SFXN2: variants seen among roughly 807,000 people sequenced by gnomAD.
The protein encoded by SFXN2 is sideroflexin-2.
SFXN2 carries 37 observed loss-of-function variants against 41.9 expected under a neutral mutation model. The observed-to-expected ratio is 0.88, with a 90% CI of 0.68 to 1.16. The LOEUF is 1.16. SFXN2 is among the 50% of genes most tolerant of loss of function. The pLI is 0.00. For synonymous variants in SFXN2, 150 were observed against 156.7 expected (o/e 0.96, Z 0.32); for missense variants, 386 against 425.2 (o/e 0.91, Z 0.81).
intron 1 of SFXN2, among the ~76,000 whole-genome samples, chr10:102,724,751 C>T (rs1036189618): frequency 2.6e-5 from 4 of 151,866 alleles, no homozygotes; most frequent in African/African-American, 7.2e-5. Context: ...CTGTTCTTGT[C>T]TGTTGTCCAC....
chr10:102,726,929 G>A, intron 2 of SFXN2, 58 bp from the exon 3 acceptor site: 1 of 1,579,728 alleles, frequency 6.3e-7, no homozygotes, highest in Non-Finnish European at 8.6e-7. Context: ...TGAGAGTGGG[G>A]AGACTGGGAG....
intron 4 of SFXN2, 27 bp from the exon 5 acceptor site, chr10:102,729,292 C>A: frequency 6.2e-7 from 1 of 1,612,078 alleles, no homozygotes; most frequent in Non-Finnish European, 8.5e-7. Flanking sequence ...AGGGGCCCCA[C>A]TCCCAAGCAT....
At chr10:102,733,982 G>C (rs148331040) in intron 10 of SFXN2, among the ~76,000 whole-genome samples, 1,631 of 152,166 alleles carry the variant, frequency 0.011, 12 homozygotes, top group Middle Eastern at 0.051. Flanking sequence ...CCACCTCCCA[G>C]GTTCAAGCAA....
chr10:102,724,848 T>C (rs928805109), intron 1 of SFXN2: 1 of 152,118 alleles, frequency 6.6e-6, no homozygotes, highest in Non-Finnish European at 1.5e-5. Context: ...AAATTCCTGG[T>C]CTGATAATTC....
intron 1 of SFXN2, chr10:102,717,847 G>A (rs1274869500): frequency 2.1e-6 from 2 of 943,596 alleles, no homozygotes; most frequent in East Asian, 1.2e-4. Context: ...ACATGATCCC[G>A]ATGCTTGTGA....
At chr10:102,729,963 G>C (rs1420121658) in intron 6 of SFXN2, among the ~76,000 whole-genome samples, 155 bp downstream of exon 6, 3 of 152,224 alleles carry the variant, frequency 2.0e-5, no homozygotes, top group Non-Finnish European at 2.9e-5. Context: ...CAGCTCCCAT[G>C]GTGATGGCCC....
rs1319868212 is a variant in SFXN2, at chr10:102,733,567, T to C, written c.785T>C (p.Leu262Pro). The C allele has an allele frequency of 6.2e-7, 1 of 1,613,940 alleles. No individual in the cohort carries two copies. Among genetic ancestry groups the C allele is most frequent in the Non-Finnish European group, 8.5e-7 (1 of 1,179,894 alleles). The change falls in exon 10 of 12, where the codon CTG becomes CCG. Residue 262 changes from leucine (L) to proline (P), a missense_variant. Leu to Pro is a moderately conservative substitution (Grantham distance 98, BLOSUM62 -3). Coordinates refer to ENST00000369893, the MANE Select transcript of SFXN2 (RefSeq NM_178858.6). ...GTTTTTATACAGAAAGTCAAGGTCCTGCACGCCCCATTGCAGGTCATGCTG... is the reference window on the plus strand; with the variant it reads ...GTTTTTATACAGAAAGTCAAGGTCCCGCACGCCCCATTGCAGGTCATGCTG... The part of the protein sequence containing the change: ...KLHFMQKVKV[L>P]HAPLQVMLSG...
rs750160350 is a variant in SFXN2 at position 102,726,651 on chromosome 10, G to A, written c.15G>A (p.Leu5=). The change falls in exon 2 of 12, where the codon CTG becomes CTA. Residue 5 remains leucine (L), a synonymous_variant. Coordinates refer to ENST00000369893, the MANE Select transcript of SFXN2 (RefSeq NM_178858.6). MEAD[L]SGFNIDAPRW... ...GTGTGAGCAAGATGGAGGCTGACCT[G>A]TCTGGCTTTAACATCGATGCCCCCC... 6.2e-7 allele frequency: 1 copy of A among 1,614,194 alleles called. No homozygotes were observed. The highest frequency in any genetic ancestry group is 8.5e-7 in the Non-Finnish European group (1 of 1,180,038).
chr10:102,723,096 T>G (rs906431629), intron 1 of SFXN2, among the ~76,000 whole-genome samples: 5 of 151,650 alleles, frequency 3.3e-5, no homozygotes, highest in Non-Finnish European at 5.9e-5. Context: ...CACACCTGGC[T>G]AATTTTTCTA....
Position 102,733,610 on chromosome 10 carries a change from A to G in SFXN2, c.821+7A>G. 2 of 1,613,496 alleles carry G rather than the reference A, an allele frequency of 1.2e-6. No homozygotes were observed. The highest frequency in any genetic ancestry group is 1.7e-6 in the Non-Finnish European group (2 of 1,179,416). On this transcript the variant is annotated splice_region_variant and intron_variant, in intron 10 of 11. Transcript: ENST00000369893. ...TCATGCTGAGCGGGTGCTTGTAAGT[A>G]TCATATTTTGATGATTTGGGTTCTG... is the stretch of plus-strand genomic sequence containing the variant.
intron 1 of SFXN2, among the ~76,000 whole-genome samples, chr10:102,721,548 G>A (rs1040888552): frequency 1.4e-5 from 2 of 145,728 alleles, no homozygotes; most frequent in African/African-American, 2.5e-5. Flanking sequence ...ATAAATAAAT[G>A]TATATATAAA....
chr10:102,734,557 G>T lies in SFXN2; in HGVS notation c.821+954G>T, dbSNP rs1288165599. Among the ~76,000 whole-genome samples the T allele has an allele frequency of 6.6e-6, 1 of 152,190 alleles. No individual in the cohort carries two copies. Among genetic ancestry groups the T allele is most frequent in the Non-Finnish European group, 1.5e-5 (1 of 68,038 alleles). On this transcript the variant is annotated intron_variant, in intron 10 of 11. Coordinates refer to ENST00000369893, the MANE Select transcript of SFXN2 (RefSeq NM_178858.6). This position sits in a 1 kb window ranked among gnomAD's most constrained non-coding sequence, Gnocchi z 4.1. ...TATAGCTGGTAACTGCTGGAGCTGA[G>T]ATTTGATCAACAGTCTAACATTATG...
chr10:102,729,484 G>A (rs2064667419), intron 5 of SFXN2, 90 bp downstream of exon 5: 1 of 1,473,038 alleles, frequency 6.8e-7, no homozygotes, highest in African/African-American at 1.4e-5. Context: ...AGTTCCCCAG[G>A]CTGGGTGAGT....
intron 1 of SFXN2, among the ~76,000 whole-genome samples, chr10:102,724,631 G>A (rs956972563): frequency 2.6e-5 from 4 of 152,066 alleles, no homozygotes; most frequent in Admixed American, 6.6e-5. Flanking sequence ...GAACACGGGA[G>A]GCAGAGGTTG....
Position 102,740,765 on chromosome 10 carries a change from A to T in SFXN2, c.*3003A>T, listed in dbSNP as rs1420855080. ...GCAATTTGATTTTAGCTGGTGTCTG[A>T]ACAGAAAAGTCTGTCTTTGAGCTAG... On this transcript the variant is annotated 3_prime_UTR_variant, in exon 12 of 12. Transcript: ENST00000369893. 3 of 152,216 alleles carry T rather than the reference A, an allele frequency of 2.0e-5. No individual in the cohort carries two copies. Among genetic ancestry groups the T allele is most frequent in the Non-Finnish European group, 4.4e-5 (3 of 68,038 alleles). The allele number at this position is 152,216 out of a possible 1,614,324, so 9.4% of individuals were successfully genotyped here.
rs756745463 is a variant in SFXN2 at position 102,741,472 on chromosome 10, A to G, written c.*3710A>G. The G allele has an allele frequency of 5.3e-5, 8 of 152,292 alleles. No homozygotes were observed. The highest frequency in any genetic ancestry group is 8.8e-5 in the Non-Finnish European group (6 of 68,088). 9.4% of individuals were successfully genotyped at this position (152,292 alleles called of 1,614,324 possible). A position where few individuals can be genotyped will look rare whatever the true frequency, so the allele number is the denominator to read the frequency against. On this transcript the variant is annotated 3_prime_UTR_variant, in exon 12 of 12. Transcript: ENST00000369893. Reference sequence around the variant, plus strand: ...GGAGGAAGGGAAGAAGAAGAGGTATAGAAGCTTCCTTTTGATCCAAGGTCT... The same window carrying G: ...GGAGGAAGGGAAGAAGAAGAGGTATGGAAGCTTCCTTTTGATCCAAGGTCT...
chr10:102,716,135 G>A (rs1194330041), intron 1 of SFXN2: 1 of 152,122 alleles, frequency 6.6e-6, no homozygotes, highest in Non-Finnish European at 1.5e-5. Flanking sequence ...CTCTTTCTAA[G>A]TTGTCTGGTG....
chr10:102,722,697 C>T (rs537783972), intron 1 of SFXN2, among the ~76,000 whole-genome samples: 12 of 151,982 alleles, frequency 7.9e-5, no homozygotes, highest in South Asian at 2.1e-4. Flanking sequence ...CATGCAACCA[C>T]GCCTGGCTAT....
chr10:102,728,363 C>T (rs2064641106), intron 3 of SFXN2, 68 bp from the exon 4 acceptor site: 2 of 1,239,790 alleles, frequency 1.6e-6, no homozygotes, highest in South Asian at 1.2e-5. Context: ...TGTGCTTTGA[C>T]TGGCATACCC....
Sources: gnomAD v4.1 joint callset for allele counts (sites outside exome capture counted in the v4.1 genomes callset) on GRCh38, gnomAD v4.1.1 for gene constraint, Gnocchi (gnomAD v3.1) non-coding constraint, MANE v1.5 for transcripts, NCBI Gene and HGNC (gene_info 2026-07-23, HGNC 2026-07-21) for gene names.